Variants in KDM7A observed in about 807,000 individuals in gnomAD.
KDM7A encodes lysine demethylase 7A.
Under a neutral mutation model 114.8 loss-of-function variants are expected in KDM7A, and 28 were observed. The observed-to-expected ratio is 0.24, with a 90% CI of 0.18 to 0.33. KDM7A has a LOEUF of 0.33. Among genes scored for constraint, KDM7A ranks in the 10% least tolerant of loss-of-function variants. The probability of loss-of-function intolerance (pLI) is 1.00; values close to 1 mark genes in which losing one functional copy is unlikely to be tolerated. For missense variants in KDM7A, 942 were observed against 1,142.5 expected, an observed-to-expected ratio of 0.82 and a Z score of 2.53; for synonymous variants, 423 against 397.8, an observed-to-expected ratio of 1.06 and a Z score of -0.75.
intron 1 of KDM7A, among the ~76,000 whole-genome samples, chr7:140,143,546 C>T (rs1194912530): frequency 6.6e-6 from 1 of 151,980 alleles, no homozygotes; most frequent in East Asian, 1.9e-4. Context: ...AAAATTCTAC[C>T]CACAACCATG....
intron 11 of KDM7A, among the ~76,000 whole-genome samples, chr7:140,103,171 T>A (rs1221660308): frequency 1.3e-5 from 2 of 152,168 alleles, no homozygotes; most frequent in African/African-American, 4.8e-5. Flanking sequence ...TCTACTTGCA[T>A]TCTCTATGAA....
intron 1 of KDM7A, among the ~76,000 whole-genome samples, chr7:140,168,593 G>A (rs1321274541): frequency 6.6e-6 from 1 of 151,738 alleles, no homozygotes; most frequent in African/African-American, 2.4e-5. Context: ...CTGGATGTAG[G>A]AGGCATCAAA....
At chr7:140,099,068 G>A in intron 13 of KDM7A, 35 bp from the exon 14 acceptor site, 1 of 1,527,080 alleles carries the variant, frequency 6.5e-7, no homozygotes. Flanking sequence ...AGAATATAGT[G>A]CAAGACTCTG....
chr7:140,098,954 T>C lies in KDM7A; in HGVS notation c.1843A>G (p.Lys615Glu), dbSNP rs1053145658. 2 of 1,613,690 alleles carry C rather than the reference T, an allele frequency of 1.2e-6. No individual in the cohort carries two copies. The highest frequency in any genetic ancestry group is 1.7e-5 in the Admixed American group (1 of 60,000). Reference protein sequence around the residue: ...ENEEDKRRTKKAKMKIEESSG... With the variant: ...ENEEDKRRTKEAKMKIEESSG... ...CTCTCTTCTATCTTCATTTTTGCCT[T>C]TTTTGTCCTTCTTTTATCCTCTTCA... is the stretch of plus-strand genomic sequence containing the variant. The change falls in exon 14 of 20, where the codon AAG becomes GAG. Residue 615 changes from lysine to glutamate, a missense_variant. By Grantham distance (56) the Lys-to-Glu change is moderately conservative. Transcript: ENST00000397560.
intron 17 of KDM7A, among the ~76,000 whole-genome samples, chr7:140,095,004 C>T (rs1221508037): frequency 6.6e-6 from 1 of 152,166 alleles, no homozygotes; most frequent in Non-Finnish European, 1.5e-5. Flanking sequence ...TGCGCCACCA[C>T]GCCCGGCTAA....
In KDM7A at chr7:140,176,376, G is replaced by T. The variant is rs1396152177; in HGVS notation, c.194+368C>A. ...GGCGGGGCGGGGCGGGGCGGCGGCG[G>T]CCCGGGCTGGCGAGGGGCTGCGGAC... On this transcript the variant is annotated intron_variant, in intron 1 of 19. Transcript: ENST00000397560. This position sits in a 1 kb window ranked among gnomAD's most constrained non-coding sequence, Gnocchi z 4.4. Among the ~76,000 whole-genome samples, 1 of 144,416 alleles carries T rather than the reference G, an allele frequency of 6.9e-6. No individual in the cohort carries two copies. The highest frequency in any genetic ancestry group is 1.5e-5 in the Non-Finnish European group (1 of 65,154). 94.7% of individuals were successfully genotyped at this position (144,416 alleles called of 152,430 possible). A position where few individuals can be genotyped will look rare whatever the true frequency, so the allele number is the denominator to read the frequency against.
At chr7:140,155,226 A>C (rs1020767848) in intron 1 of KDM7A, among the ~76,000 whole-genome samples, 1 of 152,356 alleles carries the variant, frequency 6.6e-6, no homozygotes, top group Middle Eastern at 3.4e-3. Flanking sequence ...CTAATGACTG[A>C]GTCAAATCTT....
chr7:140,139,731 CAT>C (rs1491254269), intron 1 of KDM7A, among the ~76,000 whole-genome samples: 1 of 152,008 alleles, frequency 6.6e-6, no homozygotes, highest in Non-Finnish European at 1.5e-5. Context: ...AAATCAATGA[CAT>C]AAAAAACACG....
At chr7:140,161,766 G>A (rs1381956410) in intron 1 of KDM7A, among the ~76,000 whole-genome samples, 11 of 151,798 alleles carry the variant, frequency 7.2e-5, no homozygotes, top group African/African-American at 2.7e-4. Flanking sequence ...GGATGGTCTC[G>A]ATCTCCTGAC....
chr7:140,111,266 TG>T (rs1818426542), intron 10 of KDM7A, 82 bp from the exon 11 acceptor site: 9 of 865,708 alleles, frequency 1.0e-5, no homozygotes, highest in Non-Finnish European at 1.5e-5. Context: ...AACCAATTTT[TG>T]GATTCTCTAA....
At chr7:140,113,606 GA>G (rs746913936) in intron 9 of KDM7A, 24 bp from the exon 10 acceptor site, 306 of 1,254,452 alleles carry the variant, frequency 2.4e-4, no homozygotes, top group South Asian at 5.4e-4. Flanking sequence ...AATGGGGTGA[GA>G]AAAAAAAATA....
At chr7:140,117,288 G>A (rs1209639739) in intron 9 of KDM7A, among the ~76,000 whole-genome samples, 1 of 152,194 alleles carries the variant, frequency 6.6e-6, no homozygotes, top group Non-Finnish European at 1.5e-5. Flanking sequence ...AACTTTTGAT[G>A]GCCTAACACA....
chr7:140,158,965 T>C (rs549396098), intron 1 of KDM7A, among the ~76,000 whole-genome samples: 33 of 152,336 alleles, frequency 2.2e-4, no homozygotes, highest in African/African-American at 7.9e-4. Flanking sequence ...TGAATTTTGC[T>C]ACAAAGGTAG....
intron 11 of KDM7A, among the ~76,000 whole-genome samples, chr7:140,105,592 A>G (rs1462771984): frequency 2.6e-5 from 4 of 152,180 alleles, no homozygotes; most frequent in African/African-American, 9.7e-5. Context: ...GATTACGTTT[A>G]TTGATTTGCG....
chr7:140,149,969 T>TAGG (rs1235971531), intron 1 of KDM7A, among the ~76,000 whole-genome samples: 1 of 152,228 alleles, frequency 6.6e-6, no homozygotes, highest in East Asian at 1.9e-4. Context: ...ATGCCTCTCT[T>TAGG]AAATATAGGT....
At chr7:140,097,096 G>A in intron 15 of KDM7A, 49 bp from the exon 16 acceptor site, 2 of 1,438,348 alleles carry the variant, frequency 1.4e-6, no homozygotes. Flanking sequence ...AATTGACCAA[G>A]TCTGTACAAA....
intron 18 of KDM7A, 96 bp downstream of exon 18, chr7:140,093,960 G>A: frequency 3.8e-6 from 3 of 798,384 alleles, no homozygotes; most frequent in Non-Finnish European, 6.7e-6. Context: ...AGATCTAGCA[G>A]TTGATAACTG....
At chr7:140,118,075 T>C (rs1818560248) in intron 9 of KDM7A, among the ~76,000 whole-genome samples, 2 of 152,362 alleles carry the variant, frequency 1.3e-5, no homozygotes, top group Admixed American at 6.5e-5. Context: ...TGTTTAACTT[T>C]AAAATGGAAA....
At chr7:140,093,523 G>T (rs886130012) in intron 18 of KDM7A, among the ~76,000 whole-genome samples, 1 of 151,784 alleles carries the variant, frequency 6.6e-6, no homozygotes, top group African/African-American at 2.4e-5. Flanking sequence ...CATTTTCCAA[G>T]GTTTGCAAAA....
Sources: allele counts gnomAD v4.1 joint callset (sites outside exome capture counted in the v4.1 genomes callset), GRCh38; gene constraint gnomAD v4.1.1; non-coding constraint Gnocchi (gnomAD v3.1); transcripts MANE v1.5; gene names NCBI Gene and HGNC (gene_info 2026-07-23, HGNC 2026-07-21).